The following CYP46A1 variants were observed in gnomAD, a reference collection of about 807,000 sequenced individuals.
CYP46A1 encodes the protein cytochrome P450 family 46 subfamily A member 1, also known as cholesterol 24-hydroxylase.
A neutral mutation model predicts 63.3 loss-of-function variants in CYP46A1; 20 were observed. That is an observed-to-expected ratio of 0.32 (90% CI 0.22 to 0.46). CYP46A1 has a LOEUF of 0.46. CYP46A1 is among the 20% of genes least tolerant of loss of function. The probability of loss-of-function intolerance (pLI) is 1.00; values close to 1 mark genes in which losing one functional copy is unlikely to be tolerated. For synonymous variants in CYP46A1, 268 were observed against 273.6 expected, an observed-to-expected ratio of 0.98 and a Z score of 0.20; for missense variants, 445 against 670.8, an observed-to-expected ratio of 0.66 and a Z score of 3.72.
intron 7 of CYP46A1, chr14:99,709,359 A>C (rs2056708995): frequency 6.6e-6 from 1 of 152,098 alleles, no homozygotes. Flanking sequence ...GATGTAAAAG[A>C]GAAACAAACA....
At chr14:99,720,499 G>A (rs1260834404) in intron 10 of CYP46A1, among the ~76,000 whole-genome samples, 4 of 122,836 alleles carry the variant, frequency 3.3e-5, no homozygotes, top group African/African-American at 9.3e-5. Context: ...TCGCTCTGTT[G>A]CTAGGCTGGA....
At chr14:99,703,291 C>T (rs1362795721) in intron 5 of CYP46A1, among the ~76,000 whole-genome samples, 1 of 152,208 alleles carries the variant, frequency 6.6e-6, no homozygotes, top group Non-Finnish European at 1.5e-5. Context: ...ACTGTATAAA[C>T]ATCCTTGCCA....
chr14:99,707,758 T>C, intron 7 of CYP46A1, 80 bp downstream of exon 7: 1 of 1,295,368 alleles, frequency 7.7e-7, no homozygotes, highest in South Asian at 1.3e-5. Context: ...TTCAGTGATT[T>C]TTTTTTTTTT....
At chr14:99,691,982 C>T in intron 3 of CYP46A1, 121 bp downstream of exon 3, 1 of 977,726 alleles carries the variant, frequency 1.0e-6, no homozygotes, top group Non-Finnish European at 1.6e-6. Context: ...CGGCTGGTTT[C>T]CCAAAGATCC....
chr14:99,719,787 A>C (rs2056827944), intron 10 of CYP46A1, among the ~76,000 whole-genome samples: 1 of 125,558 alleles, frequency 8.0e-6, no homozygotes, highest in Non-Finnish European at 1.6e-5. Context: ...TTTAAGACAG[A>C]GTCTCACTCT....
intron 2 of CYP46A1, 52 bp from the exon 3 acceptor site, chr14:99,691,718 GGGTTGGTGAT>G: frequency 6.8e-7 from 1 of 1,475,240 alleles, no homozygotes; most frequent in East Asian, 2.3e-5. Context: ...CAGCTGGGCG[GGGTTGGTGAT>G]GGTCATACCT....
At chr14:99,697,587 T>C (rs1401169952) in intron 3 of CYP46A1, among the ~76,000 whole-genome samples, 1 of 152,194 alleles carries the variant, frequency 6.6e-6, no homozygotes, top group Non-Finnish European at 1.5e-5. Flanking sequence ...CTGCCTGTTG[T>C]CCAGTGTCTG....
chr14:99,716,802 T>C (rs79445259), intron 9 of CYP46A1, among the ~76,000 whole-genome samples: 11,296 of 152,304 alleles, frequency 0.074, 525 homozygotes, highest in East Asian at 0.18. Context: ...TCTGTTCTCC[T>C]GGGGCCCAGT....
rs959055259 is a variant in CYP46A1 at position 99,716,125 on chromosome 14, C to T, written c.845-12C>T. On this transcript the variant is annotated splice_polypyrimidine_tract_variant and intron_variant, in intron 8 of 14. Transcript: ENST00000261835. Reference sequence around the variant, plus strand: ...AGATTTGCTGGGAACTGAGACTCTCCTTGTTTTTCAGCTGAAGAGGGAGCC... The same window carrying T: ...AGATTTGCTGGGAACTGAGACTCTCTTTGTTTTTCAGCTGAAGAGGGAGCC... The T allele has an allele frequency of 3.1e-6, 5 of 1,614,070 alleles. No homozygotes were observed. In the African/African-American group the frequency reaches 6.7e-5, roughly 22 times the overall value.
At chr14:99,695,114 A>G (rs184481164) in intron 3 of CYP46A1, among the ~76,000 whole-genome samples, 93 of 152,278 alleles carry the variant, frequency 6.1e-4, no homozygotes, top group Non-Finnish European at 8.8e-5. Context: ...TCTTTCTGTT[A>G]TTGATTTCTA....
At position 99,726,704 on chromosome 14, in the gene CYP46A1, G is replaced by A. The variant is rs756141971; in HGVS notation, c.1480G>A (p.Ala494Thr). The A allele has an allele frequency of 4.0e-5, 62 of 1,538,252 alleles. No individual in the cohort carries two copies. The highest frequency in any genetic ancestry group is 1.7e-4 in the East Asian group (7 of 40,886). ...CTLRPRGWQP[A>T]PPPPPC Reference sequence around the variant, plus strand: ...CCTGCGGCCCCGCGGCTGGCAGCCCGCACCCCCACCACCCCCCTGCTGAGG... The same window carrying A: ...CCTGCGGCCCCGCGGCTGGCAGCCCACACCCCCACCACCCCCCTGCTGAGG... The change falls in exon 15 of 15, where the codon GCA becomes ACA. Residue 494 changes from alanine (A) to threonine (T), a missense_variant. Physicochemically the swap from Ala to Thr is moderately conservative, Grantham distance 58 (BLOSUM62 0). This residue lies in a region of CYP46A1 where 85 missense variants were observed against 80.1 expected (regional missense o/e 1.06). Coordinates refer to ENST00000261835, the MANE Select transcript of CYP46A1 (RefSeq NM_006668.2).
intron 3 of CYP46A1, among the ~76,000 whole-genome samples, chr14:99,698,112 C>A (rs144649203): frequency 2.7e-4 from 41 of 152,166 alleles, no homozygotes; most frequent in Middle Eastern, 3.4e-3. Flanking sequence ...CGATATTAAA[C>A]CCCCAGGAGC....
At chr14:99,691,591 T>C in intron 2 of CYP46A1, 189 bp from the exon 3 acceptor site, 1 of 606,088 alleles carries the variant, frequency 1.6e-6, no homozygotes, top group Non-Finnish European at 3.0e-6. Flanking sequence ...CTGGGGGACA[T>C]GACTCGGCAA....
At chr14:99,699,966 C>T in intron 4 of CYP46A1, 49 bp from the exon 5 acceptor site, 1 of 698,230 alleles carries the variant, frequency 1.4e-6, no homozygotes, top group Non-Finnish European at 2.4e-6. Context: ...CAAGCAGTCG[C>T]TCCCCACCCC....
chr14:99,689,643 C>T (rs1464321418), intron 1 of CYP46A1, among the ~76,000 whole-genome samples: 3 of 152,206 alleles, frequency 2.0e-5, no homozygotes, highest in Non-Finnish European at 2.9e-5. Flanking sequence ...GCCAAAAACA[C>T]AGAGTCATCC....
chr14:99,723,216 G>C (rs2056865117), intron 12 of CYP46A1: 2 of 181,576 alleles, frequency 1.1e-5, no homozygotes, highest in African/African-American at 4.6e-5. Flanking sequence ...TGTGGGCTCA[G>C]TTTCCCTTTT....
Position 99,727,041 on chromosome 14 carries a change from C to T in CYP46A1, c.*314C>T, listed in dbSNP as rs1161375654. 1 of 330,892 alleles carries T rather than the reference C, an allele frequency of 3.0e-6. No homozygotes were observed. The highest frequency in any genetic ancestry group is 5.5e-6 in the Non-Finnish European group (1 of 181,784). 20.5% of individuals were successfully genotyped at this position (330,892 alleles called of 1,614,324 possible). A position where few individuals can be genotyped will look rare whatever the true frequency, so the allele number is the denominator to read the frequency against. ...CTTGCTCACTCCCTAAAGCCCTCTT[C>T]AGGGGTCACCTCCTCCAAGAAGCCC... On this transcript the variant is annotated 3_prime_UTR_variant, in exon 15 of 15. Coordinates refer to ENST00000261835, the MANE Select transcript of CYP46A1 (RefSeq NM_006668.2).
chr14:99,716,232 A>G (rs2140135128), intron 9 of CYP46A1, 33 bp downstream of exon 9: 1 of 1,610,820 alleles, frequency 6.2e-7, no homozygotes, highest in Non-Finnish European at 8.5e-7. Context: ...AAGGGCCCGG[A>G]GCTCTGCAGA....
chr14:99,711,336 T>G (rs2056729747), intron 7 of CYP46A1: 1 of 151,418 alleles, frequency 6.6e-6, no homozygotes, highest in Admixed American at 6.6e-5. Context: ...ACTAAAAAAG[T>G]ACAAAGACCA....
Sources: gnomAD v4.1 joint callset for allele counts (sites outside exome capture counted in the v4.1 genomes callset) on GRCh38, gnomAD v4.1.1 for gene constraint, gnomAD v4.1.1 regional missense constraint, MANE v1.5 for transcripts, NCBI Gene and HGNC (gene_info 2026-07-23, HGNC 2026-07-21) for gene names.